CIB3: variants seen among roughly 807,000 people sequenced by gnomAD.
CIB3 encodes calcium and integrin binding family member 3, also known as calcium and integrin-binding family member 3.
A neutral mutation model predicts 23.4 loss-of-function variants in CIB3; 22 were observed. The ratio of observed to expected loss-of-function variants is 0.94; its 90% CI spans 0.67 to 1.34. CIB3 has a LOEUF of 1.34. Ranked by LOEUF, CIB3 falls within the 40% of genes most tolerant of loss-of-function variation. The pLI is 0.00. For synonymous variants in CIB3, 93 were observed against 95.8 expected, an observed-to-expected ratio of 0.97 and a Z score of 0.17; for missense variants, 258 against 247.3, an observed-to-expected ratio of 1.04 and a Z score of -0.29.
At chr19:16,170,649 C>T (rs979406847) in intron 2 of CIB3, among the ~76,000 whole-genome samples, 4 of 151,336 alleles carry the variant, frequency 2.6e-5, no homozygotes. Flanking sequence ...GGTGAAACCC[C>T]ATCTCTACTG....
chr19:16,167,744 A>G (rs1287966753), intron 4 of CIB3, among the ~76,000 whole-genome samples: 1 of 152,224 alleles, frequency 6.6e-6, no homozygotes, highest in Non-Finnish European at 1.5e-5. Context: ...AGGCAGAAGA[A>G]TCACTTGAAC....
In CIB3 at chr19:16,172,474, G is replaced by A. The variant is rs556906679; in HGVS notation, c.86+688C>T. 3.3e-5 allele frequency among the ~76,000 whole-genome samples: 5 copies of A among 152,054 alleles called. 1 individual carries two copies. The South Asian group carries it at 8.3e-4, about 25-fold the overall frequency. On this transcript the variant is annotated intron_variant, in intron 2 of 5. Coordinates refer to ENST00000269878, the MANE Select transcript of CIB3 (RefSeq NM_054113.4). ...CCAGCCTCAGGAGAATCTTTCTAAC[G>A]TGCTGATGGTCTCTCCCCTGCTCAT...
intron 3 of CIB3, 80 bp downstream of exon 3, chr19:16,169,550 T>C: frequency 8.0e-7 from 1 of 1,257,570 alleles, no homozygotes; most frequent in Non-Finnish European, 1.1e-6. Flanking sequence ...TGGGGATAAC[T>C]GCAGCACTGA....
At chr19:16,171,087 G>A (rs535177914) in intron 2 of CIB3, among the ~76,000 whole-genome samples, 148 of 151,620 alleles carry the variant, frequency 9.8e-4, no homozygotes, top group African/African-American at 3.3e-3. Context: ...GCAGTGAACC[G>A]AGATCAAGCC....
At chr19:16,173,115 A>G (rs761664311) in intron 2 of CIB3, 47 bp downstream of exon 2, 2 of 1,613,178 alleles carry the variant, frequency 1.2e-6, no homozygotes, top group Middle Eastern at 1.7e-4. Context: ...AGCAATGAAT[A>G]GAAAGTTGTT....
rs2091300314 is a variant in CIB3 at position 16,165,019 on chromosome 19, C to T, written c.347-106G>A. On this transcript the variant is annotated intron_variant, in intron 4 of 5. Coordinates refer to ENST00000269878, the MANE Select transcript of CIB3 (RefSeq NM_054113.4). ...ACAAGAAGGGGAAACTAAGGTCGGG[C>T]ACGGTGGCTCACGCCTGTAATCCCA... is the stretch of plus-strand genomic sequence containing the variant. 5 of 915,238 alleles carry T rather than the reference C, an allele frequency of 5.5e-6. No homozygotes were observed. In the East Asian group the frequency reaches 9.7e-5, roughly 18 times the overall value. The allele number at this position is 915,238 out of a possible 1,614,324, so 56.7% of individuals were successfully genotyped here. A position where few individuals can be genotyped will look rare whatever the true frequency, so the allele number is the denominator to read the frequency against.
rs754738167 is a variant in CIB3, at chr19:16,169,629, C to A, written c.198+1G>T. The A allele has an allele frequency of 1.5e-4, 240 of 1,612,562 alleles. 6 individuals are homozygous for A. In the South Asian group the frequency reaches 1.8e-3, roughly 12 times the overall value. On this transcript the variant is annotated splice_donor_variant, in intron 3 of 5. Transcript: ENST00000269878. LOFTEE classifies it high-confidence loss of function. ...CTGTTTGTCCCATGGCCTGGGCATA[C>A]CTTCAGCTCGGGCATGCTGCCAATG...
chr19:16,168,009 G>T, intron 4 of CIB3, 128 bp downstream of exon 4: 1 of 1,178,338 alleles, frequency 8.5e-7, no homozygotes, highest in Non-Finnish European at 1.2e-6. Flanking sequence ...CATTGGAGTG[G>T]GGTGGAGGAC....
At chr19:16,164,178 T>C (rs544608526) in intron 5 of CIB3, among the ~76,000 whole-genome samples, 2 of 152,270 alleles carry the variant, frequency 1.3e-5, no homozygotes, top group South Asian at 2.1e-4. Context: ...TCTCCTTATG[T>C]TCCCCAGTTT....
intron 5 of CIB3, among the ~76,000 whole-genome samples, chr19:16,163,643 A>T (rs1371250163): frequency 6.6e-6 from 1 of 152,228 alleles, no homozygotes; most frequent in East Asian, 1.9e-4. Flanking sequence ...ATAAAAAATA[A>T]AGTGAAATTT....
intron 4 of CIB3, among the ~76,000 whole-genome samples, chr19:16,167,889 T>C (rs1426892319): frequency 6.6e-6 from 1 of 152,138 alleles, no homozygotes; most frequent in Non-Finnish European, 1.5e-5. Flanking sequence ...AAAGGTGTTC[T>C]AGGCAGAGGG....
chr19:16,164,066 G>A (rs2091295652), intron 5 of CIB3, among the ~76,000 whole-genome samples: 1 of 152,102 alleles, frequency 6.6e-6, no homozygotes, highest in Non-Finnish European at 1.5e-5. Context: ...GACCTCCTGG[G>A]CTCAAGCAAT....
chr19:16,168,044 C>T, intron 4 of CIB3, 93 bp downstream of exon 4: 1 of 1,489,470 alleles, frequency 6.7e-7, no homozygotes, highest in Non-Finnish European at 9.0e-7. Context: ...CCTCAAAACC[C>T]CTGGGGAGAT....
intron 2 of CIB3, among the ~76,000 whole-genome samples, chr19:16,171,644 G>C (rs1293163639): frequency 6.6e-6 from 1 of 152,180 alleles, no homozygotes; most frequent in Non-Finnish European, 1.5e-5. Context: ...TATTCTATCT[G>C]ATAAGCAAGA....
At chr19:16,165,325 C>T (rs2091301721) in intron 4 of CIB3, among the ~76,000 whole-genome samples, 1 of 151,512 alleles carries the variant, frequency 6.6e-6, no homozygotes, top group African/African-American at 2.4e-5. Flanking sequence ...AACTGAGGCC[C>T]TGGGAGGGCA....
At chr19:16,165,635 G>A (rs550740953) in intron 4 of CIB3, among the ~76,000 whole-genome samples, 4 of 152,026 alleles carry the variant, frequency 2.6e-5, no homozygotes, top group Admixed American at 1.3e-4. Context: ...GTAGAGATGG[G>A]ATTCCCCATG....
At chr19:16,161,711 T>C (rs2145074778) in intron 5 of CIB3, among the ~76,000 whole-genome samples, 1 of 129,720 alleles carries the variant, frequency 7.7e-6, no homozygotes, top group Middle Eastern at 4.0e-3. Flanking sequence ...GGGGTCTTGC[T>C]CTGTCTCCCA....
At chr19:16,173,363 T>A in intron 1 of CIB3, 62 bp downstream of exon 1, 1 of 1,573,368 alleles carries the variant, frequency 6.4e-7, no homozygotes, top group Non-Finnish European at 8.7e-7. Context: ...TCTGTTCCCA[T>A]TTCCCAGACC....
At chr19:16,170,326 A>G (rs1288504576) in intron 2 of CIB3, among the ~76,000 whole-genome samples, 1 of 152,162 alleles carries the variant, frequency 6.6e-6, no homozygotes, top group South Asian at 2.1e-4. Context: ...AAGAGGGGAC[A>G]TTGGTTCTGG....
Sources: gnomAD v4.1 joint callset for allele counts (sites outside exome capture counted in the v4.1 genomes callset) on GRCh38, gnomAD v4.1.1 for gene constraint, MANE v1.5 for transcripts, NCBI Gene and HGNC (gene_info 2026-07-23, HGNC 2026-07-21) for gene names.